Variants in CAP2 observed in about 807,000 individuals in gnomAD.
CAP2 encodes adenylyl cyclase-associated protein 2.
A neutral mutation model predicts 57.7 loss-of-function variants in CAP2; 24 were observed. That is an observed-to-expected ratio of 0.42 (90% CI 0.30 to 0.58). The LOEUF (loss-of-function observed/expected upper bound fraction) is 0.58. Ranked by LOEUF, CAP2 falls within the 20% of genes least tolerant of loss-of-function variation. The probability of loss-of-function intolerance (pLI) is 0.22; values close to 1 mark genes in which losing one functional copy is unlikely to be tolerated. For synonymous variants in CAP2, 194 were observed against 207.2 expected (o/e 0.94, Z 0.55); for missense variants, 501 against 590.3 (o/e 0.85, Z 1.57).
chr6:17,536,327 C>T (rs911375670), intron 7 of CAP2: 8 of 456,488 alleles, frequency 1.8e-5, no homozygotes, highest in Admixed American at 9.4e-5. Context: ...AGTTTGATTT[C>T]GAGTCCACTG....
intron 3 of CAP2, among the ~76,000 whole-genome samples, chr6:17,459,322 G>GC (rs1008403592): frequency 2.0e-5 from 3 of 152,172 alleles, no homozygotes; most frequent in Non-Finnish European, 2.9e-5. Flanking sequence ...GTTCTAGCAG[G>GC]CCTTAAAGAA....
intron 1 of CAP2, among the ~76,000 whole-genome samples, chr6:17,415,833 G>A (rs17379883): frequency 0.25 from 38,106 of 151,940 alleles, 5,609 homozygotes; most frequent in South Asian, 0.32. Flanking sequence ...TTGACATTGC[G>A]CCATGGAGTG....
intron 3 of CAP2, among the ~76,000 whole-genome samples, chr6:17,427,858 T>G (rs184947324): frequency 2.4e-4 from 36 of 152,322 alleles, no homozygotes; most frequent in African/African-American, 7.9e-4. Context: ...GGATGAACCT[T>G]GAGGACATTA....
chr6:17,507,122 G>A (rs377593692), intron 4 of CAP2, 47 bp from the exon 5 acceptor site: 134 of 1,609,456 alleles, frequency 8.3e-5, no homozygotes, highest in Non-Finnish European at 5.6e-5. Context: ...GGTGCTATGC[G>A]TCTGCTCTGT....
In CAP2 at chr6:17,453,919, T is replaced by TTC. The variant is rs1561789295; in HGVS notation, c.223-9077_223-9076insTC. Among the ~76,000 whole-genome samples the TTC allele has an allele frequency of 9.7e-3, 1,217 of 125,006 alleles. 25 individuals are homozygous for TTC. Among genetic ancestry groups the TTC allele is most frequent in the African/African-American group, 0.032 (1,159 of 35,680 alleles). The allele number at this position is 125,006 out of a possible 152,430, so 82.0% of individuals were successfully genotyped here. On this transcript the variant is annotated intron_variant, in intron 3 of 12. Transcript: ENST00000229922. ...TTTTATTCTTTTTTTTTTTTTTTTTTCCTTGCCCAGGCTGGATTGCCATGG... is the reference window on the plus strand; with the variant it reads ...TTTTATTCTTTTTTTTTTTTTTTTTTTCCCTTGCCCAGGCTGGATTGCCATGG...
Position 17,514,045 on chromosome 6 carries a change from C to G in CAP2, c.636+91C>G. On this transcript the variant is annotated intron_variant, in intron 7 of 12. Transcript: ENST00000229922. ...CAGTAATCTCACACCTTAAAACTTA[C>G]CTCAAGGAAAATGTAAGATTAAATG... is the stretch of plus-strand genomic sequence containing the variant. 6.1e-6 allele frequency: 5 copies of G among 821,672 alleles called. 1 individual carries two copies. The South Asian group carries it at 7.4e-5, about 12-fold the overall frequency. The allele number at this position is 821,672 out of a possible 1,614,324, so 50.9% of individuals were successfully genotyped here.
At chr6:17,464,600 G>T (rs1760815276) in intron 4 of CAP2, among the ~76,000 whole-genome samples, 1 of 152,158 alleles carries the variant, frequency 6.6e-6, no homozygotes, top group African/African-American at 2.4e-5. Flanking sequence ...CCTGTGCTTT[G>T]AGATTTCTAT....
intron 12 of CAP2, among the ~76,000 whole-genome samples, chr6:17,552,260 C>G (rs1475923549): frequency 6.6e-6 from 1 of 152,202 alleles, no homozygotes; most frequent in Admixed American, 6.5e-5. Context: ...TACACGTATT[C>G]TCACACTTTG....
chr6:17,547,069 C>T (rs1440508184), intron 11 of CAP2, among the ~76,000 whole-genome samples: 1 of 152,158 alleles, frequency 6.6e-6, no homozygotes, highest in Non-Finnish European at 1.5e-5. Flanking sequence ...CATGAGTGAA[C>T]TCCCATTCAC....
chr6:17,498,402 C>T (rs1319732540), intron 4 of CAP2, among the ~76,000 whole-genome samples: 2 of 152,194 alleles, frequency 1.3e-5, no homozygotes, highest in Non-Finnish European at 2.9e-5. Flanking sequence ...GCATTTTACC[C>T]TATGATTTGC....
chr6:17,484,794 C>G (rs2113627207), intron 4 of CAP2, among the ~76,000 whole-genome samples: 1 of 152,244 alleles, frequency 6.6e-6, no homozygotes, highest in South Asian at 2.1e-4. Flanking sequence ...GTTTTGAGAC[C>G]ATTCGGCAGC....
At chr6:17,498,990 A>G (rs1328497497) in intron 4 of CAP2, among the ~76,000 whole-genome samples, 3 of 152,020 alleles carry the variant, frequency 2.0e-5, no homozygotes, top group Non-Finnish European at 2.9e-5. Flanking sequence ...CGGCCTCCCA[A>G]AGTGCTGTGA....
At chr6:17,430,832 C>T (rs1028684781) in intron 3 of CAP2, among the ~76,000 whole-genome samples, 4 of 152,148 alleles carry the variant, frequency 2.6e-5, no homozygotes, top group Admixed American at 6.5e-5. Context: ...CCACTGCACC[C>T]GGCCATTAGG....
chr6:17,507,168 G>A lies in CAP2; in HGVS notation c.301-1G>A, dbSNP rs1211643756. 6.2e-7 allele frequency: 1 copy of A among 1,614,202 alleles called. No individual in the cohort carries two copies. On this transcript the variant is annotated splice_acceptor_variant, in intron 4 of 12. Transcript: ENST00000229922. LOFTEE classifies it high-confidence loss of function. ...AGCCCCCGATGTTTGACTGCTTACA[G>A]AATGACGTGGCCGCACTTCTGAAAC...
At chr6:17,488,138 A>C (rs1466125214) in intron 4 of CAP2, among the ~76,000 whole-genome samples, 2 of 149,316 alleles carry the variant, frequency 1.3e-5, no homozygotes, top group African/African-American at 4.9e-5. Flanking sequence ...GAACTCCTGG[A>C]CTCAAGTGAT....
At chr6:17,520,836 T>C (rs974682712) in intron 7 of CAP2, among the ~76,000 whole-genome samples, 3 of 152,242 alleles carry the variant, frequency 2.0e-5, no homozygotes, top group African/African-American at 7.2e-5. Flanking sequence ...GTTCTTAAGC[T>C]TTTATATCCA....
chr6:17,507,368 G>C, intron 5 of CAP2, 56 bp downstream of exon 5: 1 of 1,530,682 alleles, frequency 6.5e-7, no homozygotes. Context: ...GAGTATTTAG[G>C]AGAACTAGTA....
At chr6:17,534,185 A>G (rs1363692615) in intron 7 of CAP2, among the ~76,000 whole-genome samples, 1 of 152,246 alleles carries the variant, frequency 6.6e-6, no homozygotes, top group East Asian at 1.9e-4. Flanking sequence ...CATTGTAGAA[A>G]TAAAATGAAA....
intron 3 of CAP2, among the ~76,000 whole-genome samples, chr6:17,461,767 C>CGGAT (rs1760726363): frequency 6.7e-6 from 1 of 149,966 alleles, no homozygotes; most frequent in Non-Finnish European, 1.5e-5. Flanking sequence ...CCAAGGTGGG[C>CGGAT]GGATCATGAG....
Sources: allele counts gnomAD v4.1 joint callset (sites outside exome capture counted in the v4.1 genomes callset), GRCh38; gene constraint gnomAD v4.1.1; transcripts MANE v1.5; gene names NCBI Gene and HGNC (gene_info 2026-07-23, HGNC 2026-07-21).